Variants in TTL observed in about 807,000 individuals in gnomAD.
The protein encoded by TTL is tubulin--tyrosine ligase.
Under a neutral mutation model 41.1 loss-of-function variants are expected in TTL, and 10 were observed. The ratio of observed to expected loss-of-function variants is 0.24; its 90% CI spans 0.15 to 0.41. TTL has a LOEUF of 0.41. Among genes scored for constraint, TTL ranks in the 10% least tolerant of loss-of-function variants. The probability of loss-of-function intolerance (pLI) is 1.00; values close to 1 mark genes in which losing one functional copy is unlikely to be tolerated. For missense variants in TTL, 367 were observed against 460.4 expected (o/e 0.80, Z 1.86); for synonymous variants, 175 against 175.5 (o/e 1.00, Z 0.02).
rs943021440 is a variant in TTL at position 112,529,822 on chromosome 2, G to A, written c.*1027G>A. On this transcript the variant is annotated 3_prime_UTR_variant, in exon 7 of 7. Coordinates refer to ENST00000233336, the MANE Select transcript of TTL (RefSeq NM_153712.5). Reference sequence around the variant, plus strand: ...AGGATTCGAGTTCCTGTGCCTGTGGGTATTAGGAGAGTATATATCCTGCCT... The same window carrying A: ...AGGATTCGAGTTCCTGTGCCTGTGGATATTAGGAGAGTATATATCCTGCCT... 2.7e-5 allele frequency: 6 copies of A among 221,570 alleles called. No individual in the cohort carries two copies. Among genetic ancestry groups the A allele is most frequent in the African/African-American group, 1.3e-4 (6 of 44,738 alleles). 13.7% of individuals were successfully genotyped at this position (221,570 alleles called of 1,614,324 possible). A position where few individuals can be genotyped will look rare whatever the true frequency, so the allele number is the denominator to read the frequency against.
At position 112,494,329 on chromosome 2, in the gene TTL, T is replaced by G; in HGVS notation, c.423T>G (p.Asp141Glu). ...CCTCTTATAACAGAAAGAAAGAGGA[T>G]GGAGAGGGCAACGTTTGGATTGCAA... ...FLASYNRKKE[D>E]GEGNVWIAKS... is the part of the protein sequence containing the mutation. The change falls in exon 3 of 7, where the codon GAT becomes GAG. Residue 141 changes from aspartate (D) to glutamate (E), a missense_variant. Transcript: ENST00000233336. 1 of 1,614,156 alleles carries G rather than the reference T, an allele frequency of 6.2e-7. No individual in the cohort carries two copies. Among genetic ancestry groups the G allele is most frequent in the Non-Finnish European group, 8.5e-7 (1 of 1,180,034 alleles).
chr2:112,519,550 GT>G (rs34836273), intron 5 of TTL, among the ~76,000 whole-genome samples: 3,686 of 110,482 alleles, frequency 0.033, 31 homozygotes, highest in African/African-American at 0.081. Flanking sequence ...AGGTCAACAT[GT>G]TTTTTTTTTT....
chr2:112,512,134 C>T (rs941155854), intron 5 of TTL, among the ~76,000 whole-genome samples: 19 of 151,954 alleles, frequency 1.3e-4, no homozygotes, highest in African/African-American at 2.7e-4. Context: ...TCTTGCTGCC[C>T]GGACTAGAGT....
intron 6 of TTL, among the ~76,000 whole-genome samples, chr2:112,524,644 A>T (rs565138184): frequency 1.6e-3 from 249 of 151,804 alleles, no homozygotes; most frequent in African/African-American, 5.8e-3. Context: ...GGGTTGTTTG[A>T]TTTTTTCTTG....
At chr2:112,527,508 G>T (rs773728435) in intron 6 of TTL, among the ~76,000 whole-genome samples, 2 of 152,184 alleles carry the variant, frequency 1.3e-5, no homozygotes, top group Non-Finnish European at 2.9e-5. Flanking sequence ...TGTATTGGGT[G>T]CATATATATT....
chr2:112,486,133 T>C, intron 2 of TTL, 138 bp downstream of exon 2: 1 of 825,094 alleles, frequency 1.2e-6, no homozygotes, highest in South Asian at 1.8e-5. Flanking sequence ...TCTAAGCCGC[T>C]TTGGTTGCGG....
chr2:112,520,627 C>T, intron 6 of TTL: 1 of 584,252 alleles, frequency 1.7e-6, no homozygotes, highest in Non-Finnish European at 2.9e-6. Flanking sequence ...CCAGATAGGC[C>T]CAGTGTGGTA....
Position 112,531,689 on chromosome 2 carries a change from A to C in TTL, c.*2894A>C, listed in dbSNP as rs1682512782. On this transcript the variant is annotated 3_prime_UTR_variant, in exon 7 of 7. Coordinates refer to ENST00000233336, the MANE Select transcript of TTL (RefSeq NM_153712.5). ...AGAATTGCATAAGGCTTATGACTTAAAAAAAAAAATTCTTTTTGGAAACAC... is the reference window on the plus strand; with the variant it reads ...AGAATTGCATAAGGCTTATGACTTACAAAAAAAAATTCTTTTTGGAAACAC... The C allele has an allele frequency of 4.5e-6, 1 of 220,818 alleles. No homozygotes were observed. Among genetic ancestry groups the C allele is most frequent in the African/African-American group, 2.3e-5 (1 of 44,054 alleles). 13.7% of individuals were successfully genotyped at this position (220,818 alleles called of 1,614,324 possible).
intron 2 of TTL, among the ~76,000 whole-genome samples, chr2:112,486,659 G>A (rs1190372702): frequency 3.3e-5 from 5 of 152,156 alleles, no homozygotes; most frequent in East Asian, 1.9e-4. Flanking sequence ...GTTAGACAAC[G>A]ATTAAGATCT....
chr2:112,511,121 G>A (rs373672601), intron 5 of TTL, among the ~76,000 whole-genome samples: 7 of 151,916 alleles, frequency 4.6e-5, no homozygotes, highest in African/African-American at 1.7e-4. Context: ...GGGCTCAAGC[G>A]TAAGTAGCCT....
chr2:112,497,121 C>T (rs536097147), intron 3 of TTL, among the ~76,000 whole-genome samples: 19 of 151,188 alleles, frequency 1.3e-4, no homozygotes, highest in Admixed American at 8.6e-4. Flanking sequence ...TGCCCGGGCC[C>T]GCTCCCATCT....
intron 5 of TTL, among the ~76,000 whole-genome samples, chr2:112,510,574 C>T (rs372384766): frequency 3.3e-5 from 5 of 151,626 alleles, no homozygotes; most frequent in East Asian, 2.0e-4. Flanking sequence ...TGGGTTCAAG[C>T]GATTCTCCTG....
chr2:112,486,131 G>GC (rs1559009254), intron 2 of TTL, 136 bp downstream of exon 2: 3 of 831,860 alleles, frequency 3.6e-6, no homozygotes, highest in Non-Finnish European at 5.6e-6. Flanking sequence ...CCTCTAAGCC[G>GC]CTTTGGTTGC....
At chr2:112,485,724 G>T (rs1365817827) in intron 1 of TTL, among the ~76,000 whole-genome samples, 193 bp from the exon 2 acceptor site, 1 of 152,154 alleles carries the variant, frequency 6.6e-6, no homozygotes, top group Non-Finnish European at 1.5e-5. Context: ...TCCACTGTGG[G>T]GAGAATGAAG....
chr2:112,496,711 T>TA (rs1681540973), intron 3 of TTL, among the ~76,000 whole-genome samples: 3 of 78,302 alleles, frequency 3.8e-5, no homozygotes, highest in Non-Finnish European at 8.7e-5. Flanking sequence ...GTGTGTGTAT[T>TA]TTTTTTTTTT....
intron 5 of TTL, among the ~76,000 whole-genome samples, chr2:112,518,482 A>C (rs1291917483): frequency 1.3e-5 from 2 of 152,006 alleles, no homozygotes; most frequent in Non-Finnish European, 2.9e-5. Context: ...TATCAATTAA[A>C]ATATTTTTCT....
chr2:112,528,018 A>C (rs1366400195), intron 6 of TTL, among the ~76,000 whole-genome samples: 1 of 152,098 alleles, frequency 6.6e-6, no homozygotes, highest in Non-Finnish European at 1.5e-5. Context: ...GTGGTGACAA[A>C]ATTTCTTAGC....
In TTL at chr2:112,526,999, A is replaced by G. The variant is rs541330959; in HGVS notation, c.1020-1682A>G. 2.6e-3 allele frequency among the ~76,000 whole-genome samples: 389 copies of G among 152,220 alleles called. 1 individual carries two copies. Among genetic ancestry groups the G allele is most frequent in the African/African-American group, 9.0e-3 (374 of 41,536 alleles). On this transcript the variant is annotated intron_variant, in intron 6 of 6. Transcript: ENST00000233336. ...TCTGGTATGTTGTGGCTTTGTTCTCATTGGTTTCAAAGAACATCTTTATTT... is the reference window on the plus strand; with the variant it reads ...TCTGGTATGTTGTGGCTTTGTTCTCGTTGGTTTCAAAGAACATCTTTATTT...
intron 5 of TTL, among the ~76,000 whole-genome samples, chr2:112,513,929 A>G (rs562109602): frequency 2.0e-5 from 3 of 152,292 alleles, no homozygotes; most frequent in African/African-American, 7.2e-5. Context: ...ATGGGGAATA[A>G]TTAATATTAC....
Sources: allele counts gnomAD v4.1 joint callset (sites outside exome capture counted in the v4.1 genomes callset), GRCh38; gene constraint gnomAD v4.1.1; transcripts MANE v1.5; gene names NCBI Gene and HGNC (gene_info 2026-07-23, HGNC 2026-07-21).